ST18: variants seen among roughly 807,000 people sequenced by gnomAD.
ST18 encodes the protein ST18 C2H2C-type zinc finger transcription factor.
A neutral mutation model predicts 110.0 loss-of-function variants in ST18; 50 were observed. The ratio of observed to expected loss-of-function variants is 0.45; its 90% CI spans 0.36 to 0.58. ST18 has a LOEUF of 0.58. Among genes scored for constraint, ST18 ranks in the 20% least tolerant of loss-of-function variants. The pLI is 0.00. For synonymous variants in ST18, 461 were observed against 452.4 expected, an observed-to-expected ratio of 1.02 and a Z score of -0.24; for missense variants, 1,306 against 1,280.1, an observed-to-expected ratio of 1.02 and a Z score of -0.31.
At position 52,171,967 on chromosome 8, in the gene ST18, C is replaced by A. The variant is rs770442388; in HGVS notation, c.894G>T (p.Lys298Asn). Residue 298 changes from lysine to asparagine, a missense_variant, in exon 10 of 26, where the codon AAG becomes AAT. Transcript: ENST00000689386. ...CCAGCAAACTTAAATTCCCCTTGGC[C>A]TTTTCCAGGTCACTACCCTCTTCCG... Reference protein sequence around the residue: ...VMTEEGSDLEKAKGNLSLLEQ... With the variant: ...VMTEEGSDLENAKGNLSLLEQ... 5.0e-6 allele frequency: 8 copies of A among 1,614,190 alleles called. No individual in the cohort carries two copies. In the Admixed American group the frequency reaches 8.3e-5, roughly 17 times the overall value.
intron 3 of ST18, among the ~76,000 whole-genome samples, chr8:52,226,811 G>A (rs144741607): frequency 8.5e-4 from 129 of 152,216 alleles, no homozygotes; most frequent in African/African-American, 3.0e-3. Flanking sequence ...TTTTTATTAT[G>A]TAAAGAGAAT....
chr8:52,117,153 C>T lies in ST18; in HGVS notation c.2860-735G>A, dbSNP rs149901170. Among the ~76,000 whole-genome samples the T allele has an allele frequency of 1.2e-3, 189 of 152,298 alleles. 1 individual carries two copies. The highest frequency in any genetic ancestry group is 4.4e-3 in the African/African-American group (184 of 41,572). On this transcript the variant is annotated intron_variant, in intron 24 of 25. Transcript: ENST00000689386. ...TCTGAGACTGTTCTCCTGTGACCTG[C>T]CCCACCCAGCTCACTCACCTGCGGC...
At chr8:52,239,676 C>T (rs953413677) in intron 2 of ST18, among the ~76,000 whole-genome samples, 6 of 152,166 alleles carry the variant, frequency 3.9e-5, no homozygotes, top group Non-Finnish European at 7.3e-5. Flanking sequence ...ATGATCCAAA[C>T]GCATGACTTT....
chr8:52,236,769 A>G (rs1589082194), intron 2 of ST18, among the ~76,000 whole-genome samples: 1 of 152,216 alleles, frequency 6.6e-6, no homozygotes, highest in African/African-American at 2.4e-5. Context: ...ATTAGACAGG[A>G]GATAGACTGG....
chr8:52,315,182 T>G (rs1362444011), intron 2 of ST18, among the ~76,000 whole-genome samples: 1 of 152,212 alleles, frequency 6.6e-6, no homozygotes, highest in Non-Finnish European at 1.5e-5. Context: ...CACCCTTGTA[T>G]AGAAACAAAA....
chr8:52,336,918 T>C (rs1258281876), intron 2 of ST18, among the ~76,000 whole-genome samples: 1 of 152,230 alleles, frequency 6.6e-6, no homozygotes, highest in African/African-American at 2.4e-5. Context: ...GTAGTTTCTG[T>C]CACAATCCTT....
intron 15 of ST18, among the ~76,000 whole-genome samples, chr8:52,153,424 T>C (rs147630271): frequency 1.3e-5 from 2 of 152,362 alleles, no homozygotes; most frequent in East Asian, 3.9e-4. Flanking sequence ...TCAAGGTTTT[T>C]GTTTTGGGAG....
At chr8:52,170,511 A>C (rs577620571) in intron 10 of ST18, among the ~76,000 whole-genome samples, 6 of 151,940 alleles carry the variant, frequency 3.9e-5, no homozygotes, top group Non-Finnish European at 7.4e-5. Context: ...TGGAGAAATG[A>C]TATCTCTTAA....
intron 2 of ST18, among the ~76,000 whole-genome samples, chr8:52,281,316 A>T (rs1460560251): frequency 1.3e-5 from 2 of 152,214 alleles, no homozygotes; most frequent in Non-Finnish European, 2.9e-5. Context: ...GTTAAGAAAC[A>T]AAGTAATAAA....
At chr8:52,327,229 G>C (rs1806901709) in intron 2 of ST18, among the ~76,000 whole-genome samples, 1 of 152,180 alleles carries the variant, frequency 6.6e-6, no homozygotes, top group Non-Finnish European at 1.5e-5. Flanking sequence ...CTTGGAATCT[G>C]CATTCTCCCA....
chr8:52,223,579 G>A (rs1446582031), intron 3 of ST18, among the ~76,000 whole-genome samples: 2 of 151,860 alleles, frequency 1.3e-5, no homozygotes, highest in African/African-American at 4.8e-5. Context: ...AGGAGGCAGA[G>A]GTTGCAGTGA....
intron 2 of ST18, among the ~76,000 whole-genome samples, chr8:52,376,723 C>T (rs905656621): frequency 2.6e-5 from 4 of 152,112 alleles, no homozygotes; most frequent in African/African-American, 9.7e-5. Context: ...ACACAGTGAG[C>T]ATTCAAGCCA....
At chr8:52,218,393 T>C (rs2085221679) in intron 5 of ST18, among the ~76,000 whole-genome samples, 1 of 151,562 alleles carries the variant, frequency 6.6e-6, no homozygotes, top group Non-Finnish European at 1.5e-5. Context: ...TTTTTCTTTT[T>C]TTTTTTGAGA....
intron 15 of ST18, among the ~76,000 whole-genome samples, chr8:52,157,785 C>T (rs559209522): frequency 3.3e-5 from 5 of 152,372 alleles, no homozygotes; most frequent in African/African-American, 9.6e-5. Context: ...GTCAAATGCT[C>T]AGTGGCACCG....
chr8:52,361,078 TG>T (rs1825523369), intron 2 of ST18, among the ~76,000 whole-genome samples: 1 of 152,232 alleles, frequency 6.6e-6, no homozygotes, highest in Non-Finnish European at 1.5e-5. Context: ...TATATAAGCT[TG>T]TGATGTATTT....
At chr8:52,209,424 G>A (rs1233291668) in intron 8 of ST18, among the ~76,000 whole-genome samples, 1 of 152,112 alleles carries the variant, frequency 6.6e-6, no homozygotes, top group East Asian at 1.9e-4. Flanking sequence ...GATTAAGTGA[G>A]ATAATAGAGG....
rs566837426 is a variant in ST18, at chr8:52,148,961, A to T, written c.2052+771T>A. Among the ~76,000 whole-genome samples the T allele has an allele frequency of 1.2e-4, 18 of 152,336 alleles. No individual in the cohort carries two copies. In the East Asian group the frequency reaches 2.9e-3, roughly 25 times the overall value. On this transcript the variant is annotated intron_variant, in intron 16 of 25. Transcript: ENST00000689386. ...AGCCCATCAACAACTTCCCTGACAA[A>T]GAGCAAAATAGGACTGACTTACTGT...
rs2059881080 is a variant in ST18, at chr8:52,155,812, G to C, written c.1806+3086C>G. Among the ~76,000 whole-genome samples, 5 of 152,136 alleles carry C rather than the reference G, an allele frequency of 3.3e-5. No homozygotes were observed. The South Asian group carries it at 1.0e-3, about 32-fold the overall frequency. On this transcript the variant is annotated intron_variant, in intron 15 of 25. Transcript: ENST00000689386. ...TTGCCCATTAAGCTTGGAGTCTGTT[G>C]TGAGATTGCATACAGCCAGTTAACA...
Position 52,331,633 on chromosome 8 carries a change from T to C in ST18, c.-465+77695A>G, listed in dbSNP as rs1809454647. ...ATAGTCACAGAGTAAATGTAATGACTGAATGAATGAATAAGTGAACTATCA... is the reference window on the plus strand; with the variant it reads ...ATAGTCACAGAGTAAATGTAATGACCGAATGAATGAATAAGTGAACTATCA... On this transcript the variant is annotated intron_variant, in intron 2 of 25. Coordinates refer to ENST00000689386, the MANE Select transcript of ST18 (RefSeq NM_001352837.2). 3.9e-5 allele frequency among the ~76,000 whole-genome samples: 6 copies of C among 152,334 alleles called. No homozygotes were observed. The South Asian group carries it at 1.2e-3, about 32-fold the overall frequency.
Sources: allele counts gnomAD v4.1 joint callset (sites outside exome capture counted in the v4.1 genomes callset), GRCh38; gene constraint gnomAD v4.1.1; transcripts MANE v1.5; gene names NCBI Gene and HGNC (gene_info 2026-07-23, HGNC 2026-07-21).